Variants in NACC2 observed in about 807,000 individuals in gnomAD.
NACC2 encodes NACC family member 2.
NACC2 carries 8 observed loss-of-function variants against 25.1 expected under a neutral mutation model. That is an observed-to-expected ratio of 0.32 (90% CI 0.19 to 0.57). NACC2 has a LOEUF of 0.57. Among genes scored for constraint, NACC2 ranks in the 20% least tolerant of loss-of-function variants. The pLI is 0.89. For missense variants in NACC2, 644 were observed against 650.2 expected (o/e 0.99, Z 0.10); for synonymous variants, 435 against 294.7 (o/e 1.48, Z -4.88).
At chr9:136,038,920 T>C (rs1840592274) in intron 2 of NACC2, among the ~76,000 whole-genome samples, 1 of 152,042 alleles carries the variant, frequency 6.6e-6, no homozygotes, top group Admixed American at 6.6e-5. Flanking sequence ...CAGAGAAACA[T>C]GCAGGGAAGG....
At chr9:136,046,344 C>T (rs1207369949) in intron 2 of NACC2, among the ~76,000 whole-genome samples, 2 of 152,202 alleles carry the variant, frequency 1.3e-5, no homozygotes, top group Admixed American at 6.5e-5. Context: ...GTTTCCCTTC[C>T]GGTGGATACG....
In NACC2 at chr9:136,011,268, C is replaced by T. The variant is rs1840101547; in HGVS notation, c.*248G>A. The T allele has an allele frequency of 9.0e-6, 3 of 334,914 alleles. No individual in the cohort carries two copies. The highest frequency in any genetic ancestry group is 1.6e-5 in the Non-Finnish European group (3 of 191,876). 20.7% of individuals were successfully genotyped at this position (334,914 alleles called of 1,614,324 possible). A position where few individuals can be genotyped will look rare whatever the true frequency, so the allele number is the denominator to read the frequency against. ...GAGGGAAGCTACACTTGGAGGCTGA[C>T]CTTGTGAATATCAAAAGGGAGCCCT... On this transcript the variant is annotated 3_prime_UTR_variant, in exon 6 of 6. Coordinates refer to ENST00000277554, the MANE Select transcript of NACC2 (RefSeq NM_144653.5).
At chr9:136,089,317 C>T (rs56258735) in intron 1 of NACC2, among the ~76,000 whole-genome samples, 4,500 of 152,236 alleles carry the variant, frequency 0.03, 84 homozygotes, top group African/African-American at 0.045. Context: ...GAGGTCCCCA[C>T]GGCCCTAGGA....
At chr9:136,094,549 G>A (rs1329318749) in intron 1 of NACC2, among the ~76,000 whole-genome samples, 1 of 152,126 alleles carries the variant, frequency 6.6e-6, no homozygotes, top group Non-Finnish European at 1.5e-5. Context: ...CAGCTCCGCA[G>A]AGGCACAGAA....
chr9:136,038,521 C>T (rs1473912999), intron 2 of NACC2, among the ~76,000 whole-genome samples: 1 of 152,116 alleles, frequency 6.6e-6, no homozygotes, highest in African/African-American at 2.4e-5. Flanking sequence ...GCCTGGGTGA[C>T]AGAGTGAGAT....
At chr9:136,017,197 G>A (rs114192884) in intron 2 of NACC2, among the ~76,000 whole-genome samples, 2,747 of 152,236 alleles carry the variant, frequency 0.018, 78 homozygotes, top group African/African-American at 0.063. Context: ...GGCAGATGAC[G>A]GCCAGGCGCC....
chr9:136,011,931 C>T lies in NACC2; in HGVS notation c.1349G>A (p.Arg450His). The T allele has an allele frequency of 6.2e-7, 1 of 1,600,150 alleles. No homozygotes were observed. Among genetic ancestry groups the T allele is most frequent in the Non-Finnish European group, 8.5e-7 (1 of 1,175,326 alleles). Residue 450 changes from arginine to histidine, a missense_variant, in exon 6 of 6, where the codon CGC becomes CAC. Physicochemically the swap from Arg to His is conservative, Grantham distance 29 (BLOSUM62 0). Coordinates refer to ENST00000277554, the MANE Select transcript of NACC2 (RefSeq NM_144653.5). Reference protein sequence around the residue: ...MCTNARRVRKRWLPKIKSMLP... With the variant: ...MCTNARRVRKHWLPKIKSMLP... ...CATGGACTTGATCTTGGGCAGCCAG[C>T]GCTTGCGAACGCGGCGGGCGTTGGT...
chr9:136,039,443 T>C (rs1456077164), intron 2 of NACC2, among the ~76,000 whole-genome samples: 2 of 152,152 alleles, frequency 1.3e-5, no homozygotes, highest in Non-Finnish European at 2.9e-5. Context: ...ATCAAGCTTA[T>C]ATCAACTCTT....
chr9:136,045,510 G>A lies in NACC2; in HGVS notation c.886+4126C>T, dbSNP rs1053874594. Among the ~76,000 whole-genome samples the A allele has an allele frequency of 5.3e-5, 8 of 152,322 alleles. No homozygotes were observed. In the East Asian group the frequency reaches 1.2e-3, roughly 22 times the overall value. ...GCTGCAATTAAACATCTGCCCGCCC[G>A]AAGCCACTGCTGAGGGCATGAAAGG... On this transcript the variant is annotated intron_variant, in intron 2 of 5. Transcript: ENST00000277554.
At chr9:136,078,681 G>A (rs1830289891) in intron 1 of NACC2, among the ~76,000 whole-genome samples, 1 of 152,240 alleles carries the variant, frequency 6.6e-6, no homozygotes, top group South Asian at 2.1e-4. Flanking sequence ...GAATGGCTGG[G>A]GGACAGGTCA....
chr9:136,043,526 T>G (rs1296845176), intron 2 of NACC2, among the ~76,000 whole-genome samples: 2 of 152,246 alleles, frequency 1.3e-5, no homozygotes, highest in East Asian at 1.9e-4. Context: ...TGCGGCCTCA[T>G]GCAGCCCCTT....
intron 2 of NACC2, among the ~76,000 whole-genome samples, chr9:136,024,545 T>A (rs1399907030): frequency 7.5e-6 from 1 of 132,656 alleles, no homozygotes; most frequent in Non-Finnish European, 1.6e-5. Context: ...ACAGTGTGTG[T>A]GAGGACAGTG....
Position 136,035,629 on chromosome 9 carries a change from T to C in NACC2, c.886+14007A>G, listed in dbSNP as rs557501798. Among the ~76,000 whole-genome samples the C allele has an allele frequency of 9.5e-3, 1,441 of 152,226 alleles. 8 individuals are homozygous for C. The highest frequency in any genetic ancestry group is 0.014 in the Non-Finnish European group (971 of 68,034). On this transcript the variant is annotated intron_variant, in intron 2 of 5. Transcript: ENST00000277554. ...ACTGGAAAAAGGTACAGTCTGTAGT[T>C]ACATGAGGATGATGGATTGAGATAA...
chr9:136,035,033 G>T (rs1840531449), intron 2 of NACC2, among the ~76,000 whole-genome samples: 1 of 152,166 alleles, frequency 6.6e-6, no homozygotes, highest in Non-Finnish European at 1.5e-5. Flanking sequence ...GGCAGAGGTT[G>T]CAGTGAGCTG....
chr9:136,052,139 G>C (rs1840854592), intron 1 of NACC2, among the ~76,000 whole-genome samples: 1 of 152,206 alleles, frequency 6.6e-6, no homozygotes, highest in Non-Finnish European at 1.5e-5. Flanking sequence ...GTGGAGTGTT[G>C]GTGCCAGAGG....
intron 1 of NACC2, among the ~76,000 whole-genome samples, chr9:136,088,841 C>A (rs551151873): frequency 1.6e-4 from 25 of 152,276 alleles, no homozygotes; most frequent in Admixed American, 3.9e-4. Flanking sequence ...AAGGGACCTA[C>A]CCCAAGCCCC....
chr9:136,082,374 C>T (rs1177636157), intron 1 of NACC2, among the ~76,000 whole-genome samples: 8 of 152,242 alleles, frequency 5.3e-5, no homozygotes, highest in African/African-American at 1.4e-4. Context: ...GATGGGCCTC[C>T]GGGATGCTCA....
At chr9:136,087,802 C>G (rs888860019) in intron 1 of NACC2, among the ~76,000 whole-genome samples, 1 of 152,206 alleles carries the variant, frequency 6.6e-6, no homozygotes, top group Non-Finnish European at 1.5e-5. Context: ...AGGACGGCAC[C>G]GGCAAGATCC....
chr9:136,086,063 G>C lies in NACC2; in HGVS notation c.-60+9126C>G, dbSNP rs979351271. On this transcript the variant is annotated intron_variant, in intron 1 of 5. Coordinates refer to ENST00000277554, the MANE Select transcript of NACC2 (RefSeq NM_144653.5). The surrounding 1 kb of genome is among the most constrained non-coding windows in gnomAD (Gnocchi z 5.6). ...AGCCCGGAGTCCGGGCGCCACGCAG[G>C]GCAGCTCCGACGGGCAGGAGCCGCC... is the stretch of plus-strand genomic sequence containing the variant. Among the ~76,000 whole-genome samples, 5 of 152,194 alleles carry C rather than the reference G, an allele frequency of 3.3e-5. No homozygotes were observed.
Sources: allele counts gnomAD v4.1 joint callset (sites outside exome capture counted in the v4.1 genomes callset), GRCh38; gene constraint gnomAD v4.1.1; non-coding constraint Gnocchi (gnomAD v3.1); transcripts MANE v1.5; gene names NCBI Gene and HGNC (gene_info 2026-07-23, HGNC 2026-07-21).